Variants in CFAP52 observed in about 807,000 individuals in gnomAD.
CFAP52 encodes the protein cilia- and flagella-associated protein 52.
A neutral mutation model predicts 70.5 loss-of-function variants in CFAP52; 57 were observed. That is an observed-to-expected ratio of 0.81 (90% CI 0.65 to 1.01). CFAP52 has a LOEUF of 1.01. CFAP52 is among the 50% of genes least tolerant of loss of function. The pLI, the probability that CFAP52 is intolerant of heterozygous loss-of-function variation, is 0.00. For synonymous variants in CFAP52, 267 were observed against 292.5 expected (o/e 0.91, Z 0.89); for missense variants, 785 against 788.5 (o/e 1.00, Z 0.05).
chr17:9,605,324 G>A (rs1447333297), intron 6 of CFAP52, among the ~76,000 whole-genome samples: 1 of 152,164 alleles, frequency 6.6e-6, no homozygotes, highest in Admixed American at 6.5e-5. Context: ...AAACTGAGAT[G>A]CACATTACTG....
In CFAP52 at chr17:9,596,057, G is replaced by GTA. The variant is rs1322554543; in HGVS notation, c.536+1737_536+1738insAT. On this transcript the variant is annotated intron_variant, in intron 4 of 13. Transcript: ENST00000352665. ...TATATGTATGTAGATATATATGTGT[G>GTA]TGTATATATATATATATATATATAT... Among the ~76,000 whole-genome samples the GTA allele has an allele frequency of 3.2e-3, 329 of 103,530 alleles. 4 individuals carry two copies. The highest frequency in any genetic ancestry group is 9.5e-3 in the African/African-American group (231 of 24,404). 67.9% of individuals were successfully genotyped at this position (103,530 alleles called of 152,430 possible). A position where few individuals can be genotyped will look rare whatever the true frequency, so the allele number is the denominator to read the frequency against.
At chr17:9,613,502 TTTTGTTTGTTTG>T (rs377374357) in intron 8 of CFAP52, among the ~76,000 whole-genome samples, 163 of 150,250 alleles carry the variant, frequency 1.1e-3, no homozygotes, top group African/African-American at 3.9e-3. Context: ...TTTGGGGGGT[TTTTGTTTGTTTG>T]TTTGTTTGTT....
chr17:9,585,486 G>C (rs1260093291), intron 1 of CFAP52, among the ~76,000 whole-genome samples: 1 of 152,096 alleles, frequency 6.6e-6, no homozygotes, highest in African/African-American at 2.4e-5. Context: ...GACCAACATG[G>C]TGAAACCCCG....
intron 3 of CFAP52, among the ~76,000 whole-genome samples, chr17:9,593,707 C>T (rs898622921): frequency 4.5e-4 from 68 of 152,254 alleles, no homozygotes; most frequent in Non-Finnish European, 7.6e-4. Context: ...CCACCCGCCT[C>T]GGCCTCCCAA....
chr17:9,580,757 A>AG (rs1908184857), intron 1 of CFAP52, among the ~76,000 whole-genome samples: 1 of 62,744 alleles, frequency 1.6e-5, no homozygotes, highest in Non-Finnish European at 4.3e-5. Context: ...AGGCAAAAAA[A>AG]GAAAAAAAAA....
At chr17:9,643,846 C>T (rs550085289), downstream of CFAP52, among the ~76,000 whole-genome samples, 5 of 152,262 alleles carry the variant, frequency 3.3e-5, no homozygotes, top group East Asian at 1.9e-4. Flanking sequence ...TACAGAGATG[C>T]TTTATTGGAG....
In CFAP52 at chr17:9,594,319, A is replaced by G. The variant is rs779689784; in HGVS notation, c.534A>G (p.Gly178=). The change falls in exon 4 of 14, where the codon GGA becomes GGG. Residue 178 remains glycine (G), a splice_region_variant and synonymous_variant. Coordinates refer to ENST00000352665, the MANE Select transcript of CFAP52 (RefSeq NM_145054.5). ...GGGATGAGATGTTTATGACTGCTGGAAAGTATGTGTCTGCGTTCGGAGTTT... is the reference window on the plus strand; with the variant it reads ...GGGATGAGATGTTTATGACTGCTGGGAAGTATGTGTCTGCGTTCGGAGTTT... The part of the protein sequence containing the change: ...RCRDEMFMTA[G]NGTIRVWELD... 15 of 1,612,174 alleles carry G rather than the reference A, an allele frequency of 9.3e-6. No homozygotes were observed. The South Asian group carries it at 1.7e-4, about 18-fold the overall frequency.
At chr17:9,631,055 A>AGAGAGAGAGAGAGAGAGAAAGC (rs1491283889) in intron 9 of CFAP52, among the ~76,000 whole-genome samples, 1 of 109,572 alleles carries the variant, frequency 9.1e-6, no homozygotes, top group Admixed American at 8.7e-5. Flanking sequence ...AGAGAGAGAG[A>AGAGAGAGAGAGAGAGAGAAAGC]AAGAAAGAAA....
chr17:9,604,522 C>T (rs1179054761), intron 6 of CFAP52, among the ~76,000 whole-genome samples: 3 of 151,972 alleles, frequency 2.0e-5, no homozygotes, highest in African/African-American at 7.3e-5. Flanking sequence ...AATCCCAGCA[C>T]TTTGGGAGGC....
chr17:9,625,570 C>A (rs888273131), intron 8 of CFAP52, among the ~76,000 whole-genome samples: 1 of 150,788 alleles, frequency 6.6e-6, no homozygotes, highest in African/African-American at 2.4e-5. Context: ...CAACTCTGAT[C>A]TCTAGCATTG....
intron 6 of CFAP52, among the ~76,000 whole-genome samples, chr17:9,603,430 C>T (rs1453880192): frequency 1.3e-5 from 2 of 152,122 alleles, no homozygotes; most frequent in South Asian, 2.1e-4. Flanking sequence ...AGGATGGTCT[C>T]GATCTCCTGA....
At chr17:9,600,236 C>T in intron 6 of CFAP52, 53 bp downstream of exon 6, 1 of 1,453,358 alleles carries the variant, frequency 6.9e-7, no homozygotes, top group Non-Finnish European at 9.6e-7. Context: ...TCACTGGCAG[C>T]ATGTACTTTT....
intron 1 of CFAP52, among the ~76,000 whole-genome samples, chr17:9,583,827 G>T (rs935035048): frequency 6.6e-6 from 1 of 152,320 alleles, no homozygotes; most frequent in Middle Eastern, 3.4e-3. Flanking sequence ...GTTTATAATT[G>T]TTGAGATGGT....
intron 3 of CFAP52, among the ~76,000 whole-genome samples, chr17:9,587,416 CT>C: frequency 6.6e-6 from 1 of 152,250 alleles, no homozygotes; most frequent in East Asian, 1.9e-4. Flanking sequence ...AATGACAGTT[CT>C]GTTTTTAGCT....
chr17:9,626,315 C>T (rs769163108), intron 8 of CFAP52, among the ~76,000 whole-genome samples: 10 of 152,156 alleles, frequency 6.6e-5, no homozygotes, highest in Admixed American at 3.3e-4. Flanking sequence ...CTGCAACCTC[C>T]GCCTCCTGGG....
intron 10 of CFAP52, 112 bp downstream of exon 10, chr17:9,633,145 C>A (rs1597794805): frequency 7.9e-7 from 1 of 1,265,238 alleles, no homozygotes; most frequent in Non-Finnish European, 1.1e-6. Context: ...TCAAGCAGGA[C>A]CAAATTGACA....
chr17:9,598,402 TTG>T (rs1909116937), intron 5 of CFAP52, 69 bp downstream of exon 5: 30 of 1,323,110 alleles, frequency 2.3e-5, no homozygotes, highest in Admixed American at 3.5e-5. Context: ...ACCAAGGTGT[TTG>T]TGTGTGTGTA....
At chr17:9,616,157 C>G (rs1314339680) in intron 8 of CFAP52, among the ~76,000 whole-genome samples, 4 of 150,856 alleles carry the variant, frequency 2.7e-5, no homozygotes, top group Non-Finnish European at 4.4e-5. Flanking sequence ...GTGCGCGAGC[C>G]GAAGCAGGTC....
In CFAP52 at chr17:9,598,234, T is replaced by G. The variant is rs1909106053; in HGVS notation, c.537T>G (p.Asn179Lys). The G allele has an allele frequency of 2.5e-6, 4 of 1,606,476 alleles. No homozygotes were observed. Among genetic ancestry groups the G allele is most frequent in the Non-Finnish European group, 3.4e-6 (4 of 1,177,240 alleles). ...CRDEMFMTAGNGTIRVWELDL... is the reference protein window; with the variant it reads ...CRDEMFMTAGKGTIRVWELDL... ...TTTTTTGTTTTTTTTTTTTACATAG[T>G]GGGACAATTCGAGTATGGGAATTGG... The change falls in exon 5 of 14, where the codon AAT (asparagine) becomes AAG (lysine). Residue 179 changes from asparagine to lysine, a missense_variant and splice_region_variant. Coordinates refer to ENST00000352665, the MANE Select transcript of CFAP52 (RefSeq NM_145054.5).
Sources: gnomAD v4.1 joint callset for allele counts (sites outside exome capture counted in the v4.1 genomes callset) on GRCh38, gnomAD v4.1.1 for gene constraint, MANE v1.5 for transcripts, NCBI Gene and HGNC (gene_info 2026-07-23, HGNC 2026-07-21) for gene names.